ARHGAP21: variants seen among roughly 807,000 people sequenced by gnomAD.
ARHGAP21 encodes rho GTPase-activating protein 21.
ARHGAP21 carries 38 observed loss-of-function variants against 164.6 expected under a neutral mutation model. That is an observed-to-expected ratio of 0.23 (90% CI 0.18 to 0.30). The LOEUF is 0.30. Ranked by LOEUF, ARHGAP21 falls within the 10% of genes least tolerant of loss-of-function variation. ARHGAP21 has a pLI of 1.00. For missense variants in ARHGAP21, 1,822 were observed against 2,370.7 expected, an observed-to-expected ratio of 0.77 and a Z score of 4.81; for synonymous variants, 766 against 857.9, an observed-to-expected ratio of 0.89 and a Z score of 1.87.
chr10:24,632,139 T>G (rs73606527), intron 6 of ARHGAP21, among the ~76,000 whole-genome samples: 4,572 of 152,268 alleles, frequency 0.03, 208 homozygotes, highest in African/African-American at 0.097. Flanking sequence ...AATAAGATTA[T>G]GAAAAAATAT....
At chr10:24,586,858 G>A (rs1564948448) in intron 25 of ARHGAP21, among the ~76,000 whole-genome samples, 1 of 152,156 alleles carries the variant, frequency 6.6e-6, no homozygotes, top group Non-Finnish European at 1.5e-5. Context: ...GATCAGCCTA[G>A]GGAACATGGT....
intron 4 of ARHGAP21, among the ~76,000 whole-genome samples, chr10:24,647,614 T>A (rs927592264): frequency 5.3e-5 from 8 of 152,168 alleles, no homozygotes; most frequent in Non-Finnish European, 1.0e-4. Flanking sequence ...ATGGTGGTCA[T>A]CATTAGAAAT....
intron 25 of ARHGAP21, among the ~76,000 whole-genome samples, chr10:24,588,429 T>A (rs568007112): frequency 6.6e-6 from 1 of 152,308 alleles, no homozygotes; most frequent in East Asian, 1.9e-4. Flanking sequence ...AGCTTTTCTG[T>A]AGGTTTAACA....
chr10:24,597,616 C>T (rs370022339), intron 15 of ARHGAP21, 33 bp from the exon 16 acceptor site: 6 of 1,611,506 alleles, frequency 3.7e-6, no homozygotes, highest in Admixed American at 3.3e-5. Context: ...TTAACAATTA[C>T]AGTAATCCCC....
chr10:24,713,204 T>C (rs1180544342), intron 2 of ARHGAP21, among the ~76,000 whole-genome samples: 1 of 152,028 alleles, frequency 6.6e-6, no homozygotes, highest in Non-Finnish European at 1.5e-5. Flanking sequence ...CTCAAGAGAG[T>C]GTCTTCCTTA....
intron 7 of ARHGAP21, 87 bp downstream of exon 7, chr10:24,629,909 A>G (rs774298784): frequency 1.0e-6 from 1 of 964,640 alleles, no homozygotes; most frequent in Admixed American, 2.0e-5. Context: ...TTTTTTTTAA[A>G]TTCCATCTTT....
At position 24,595,888 on chromosome 10, in the gene ARHGAP21, A is replaced by G. The variant is rs892556864; in HGVS notation, c.3633T>C (p.Asp1211=). 4 of 1,611,876 alleles carry G rather than the reference A, an allele frequency of 2.5e-6. No individual in the cohort carries two copies. Among genetic ancestry groups the G allele is most frequent in the Non-Finnish European group, 3.4e-6 (4 of 1,179,334 alleles). ...CAGTTATTCAAATAAGCAAACTTAC[A>G]TCATCTTGTATATCAATATCAGCCA... ...KGMADIDIQD[D]KWRDLNVISS... is the part of the protein sequence containing the mutation. The change falls in exon 18 of 26, where the codon GAT becomes GAC. Residue 1211 remains aspartate (D), a splice_region_variant and synonymous_variant. Transcript: ENST00000396432.
intron 3 of ARHGAP21, 134 bp from the exon 4 acceptor site, chr10:24,667,143 A>T: frequency 4.2e-6 from 2 of 473,374 alleles, no homozygotes; most frequent in Non-Finnish European, 7.4e-6. Flanking sequence ...AATATTCTTA[A>T]TGATCACATT....
chr10:24,602,197 G>C (rs1379582803), intron 12 of ARHGAP21, 94 bp from the exon 13 acceptor site: 1 of 1,421,954 alleles, frequency 7.0e-7, no homozygotes, highest in Non-Finnish European at 9.4e-7. Context: ...TTTATTTAAT[G>C]TTTCAAGTGA....
chr10:24,687,231 T>A (rs1214763779), intron 2 of ARHGAP21, among the ~76,000 whole-genome samples: 1 of 152,192 alleles, frequency 6.6e-6, no homozygotes, highest in Non-Finnish European at 1.5e-5. Flanking sequence ...TAGGACTTAC[T>A]AACCATATTA....
At chr10:24,710,456 G>A (rs1310394384) in intron 2 of ARHGAP21, among the ~76,000 whole-genome samples, 4 of 152,092 alleles carry the variant, frequency 2.6e-5, no homozygotes, top group South Asian at 2.1e-4. Context: ...CCTGCTATAT[G>A]TTTTCATAGC....
intron 9 of ARHGAP21, among the ~76,000 whole-genome samples, chr10:24,617,629 G>T (rs2131140274): frequency 6.6e-6 from 1 of 152,110 alleles, no homozygotes; most frequent in Non-Finnish European, 1.5e-5. Context: ...AACATAAGCT[G>T]TGTGGAACTT....
In ARHGAP21 at chr10:24,622,753, T is replaced by A. The variant is rs1369523478; in HGVS notation, c.505A>T (p.Thr169Ser). ...DEDILQVLQF[T>S]KDVTALAYSQ... ...CTTACCAGTGCTGTGACATCCTTTG[T>A]AAACTGTAGCTAGCAGAAAATAGGA... Residue 169 changes from threonine to serine, a missense_variant, in exon 8 of 26, where the codon ACA becomes TCA. By Grantham distance (58) the Thr-to-Ser change is moderately conservative. This residue lies in a region of ARHGAP21 where 1,090 missense variants were observed against 1,378.9 expected (regional missense o/e 0.79). Transcript: ENST00000396432. 2 of 1,611,428 alleles carry A rather than the reference T, an allele frequency of 1.2e-6. No homozygotes were observed. The highest frequency in any genetic ancestry group is 2.7e-5 in the African/African-American group (2 of 74,756).
chr10:24,615,735 T>C (rs930332818), intron 9 of ARHGAP21, among the ~76,000 whole-genome samples: 2 of 151,914 alleles, frequency 1.3e-5, no homozygotes, highest in African/African-American at 4.8e-5. Flanking sequence ...AAGTATGTGG[T>C]AGATTATAAA....
rs1397342345 is a variant in ARHGAP21 at position 24,584,464 on chromosome 10, T to C, written c.5825A>G (p.His1942Arg). Residue 1942 changes from histidine to arginine, a missense_variant, in exon 26 of 26, where the codon CAT (histidine) becomes CGT (arginine). His to Arg is a conservative substitution (Grantham distance 29, BLOSUM62 0). Transcript: ENST00000396432. Reference protein sequence around the residue: ...NASSAANAQPHKLSETPGSKA... With the variant: ...NASSAANAQPRKLSETPGSKA... ...ACTGCCTGGGGTTTCAGACAGTTTA[T>C]GAGGTTGGGCATTCGCTGCAGAACT... 1.9e-6 allele frequency: 3 copies of C among 1,613,836 alleles called. No individual in the cohort carries two copies. Among genetic ancestry groups the C allele is most frequent in the Non-Finnish European group, 2.5e-6 (3 of 1,179,800 alleles).
chr10:24,655,837 T>C (rs1022727599), intron 4 of ARHGAP21, among the ~76,000 whole-genome samples: 1 of 125,244 alleles, frequency 8.0e-6, no homozygotes, highest in African/African-American at 3.2e-5. Flanking sequence ...GCCCATCGTC[T>C]GAGATGTGGG....
At chr10:24,688,719 A>C (rs1026575373) in intron 2 of ARHGAP21, among the ~76,000 whole-genome samples, 1 of 152,198 alleles carries the variant, frequency 6.6e-6, no homozygotes, top group Non-Finnish European at 1.5e-5. Flanking sequence ...GTTGACTGTC[A>C]TAGTCTGCTA....
At chr10:24,710,298 C>T (rs1327294590) in intron 2 of ARHGAP21, among the ~76,000 whole-genome samples, 1 of 151,964 alleles carries the variant, frequency 6.6e-6, no homozygotes, top group Non-Finnish European at 1.5e-5. Flanking sequence ...AGATATTCTC[C>T]CTAGCTGTAG....
At chr10:24,710,854 G>A (rs1313321615) in intron 2 of ARHGAP21, among the ~76,000 whole-genome samples, 5 of 152,106 alleles carry the variant, frequency 3.3e-5, no homozygotes, top group Non-Finnish European at 5.9e-5. Context: ...CCAGCACTTT[G>A]GGAGGCCAAG....
Sources: allele counts gnomAD v4.1 joint callset (sites outside exome capture counted in the v4.1 genomes callset), GRCh38; gene constraint gnomAD v4.1.1; regional missense constraint gnomAD v4.1.1; transcripts MANE v1.5; gene names NCBI Gene and HGNC (gene_info 2026-07-23, HGNC 2026-07-21).